The following MEIS1 variants were observed in gnomAD, a reference collection of about 807,000 sequenced individuals.
The protein encoded by MEIS1 is homeobox protein Meis1.
A neutral mutation model predicts 50.8 loss-of-function variants in MEIS1; 5 were observed. The observed-to-expected ratio is 0.10, with a 90% confidence interval of 0.05 to 0.21. MEIS1 has a LOEUF of 0.21. Among genes scored for constraint, MEIS1 ranks in the 10% least tolerant of loss-of-function variants. MEIS1 has a pLI of 1.00. For synonymous variants in MEIS1, 176 were observed against 179.3 expected, an observed-to-expected ratio of 0.98 and a Z score of 0.15; for missense variants, 318 against 517.3, an observed-to-expected ratio of 0.61 and a Z score of 3.74.
intron 7 of MEIS1, among the ~76,000 whole-genome samples, chr2:66,472,640 C>T (rs1222691396): frequency 7.9e-5 from 12 of 152,150 alleles, no homozygotes; most frequent in South Asian, 2.1e-4. Flanking sequence ...TGGTGAACTC[C>T]GTGGTCAGGC....
intron 5 of MEIS1, among the ~76,000 whole-genome samples, chr2:66,442,098 C>G (rs1365927934): frequency 1.3e-5 from 2 of 152,086 alleles, no homozygotes; most frequent in Admixed American, 1.3e-4. Context: ...ATTTTGCTAG[C>G]TGTTCTATAA....
intron 6 of MEIS1, among the ~76,000 whole-genome samples, chr2:66,459,771 C>T (rs915654533): frequency 6.6e-5 from 10 of 151,966 alleles, no homozygotes; most frequent in Admixed American, 5.2e-4. Context: ...TACTAGGACA[C>T]GGAATAAAAA....
chr2:66,455,389 C>T (rs939328413), intron 6 of MEIS1, among the ~76,000 whole-genome samples: 1 of 152,144 alleles, frequency 6.6e-6, no homozygotes, highest in African/African-American at 2.4e-5. Flanking sequence ...ATGATGTTAG[C>T]ATTGATTGTC....
intron 6 of MEIS1, among the ~76,000 whole-genome samples, chr2:66,463,210 T>C (rs1320425815): frequency 6.6e-6 from 1 of 151,508 alleles, no homozygotes; most frequent in African/African-American, 2.4e-5. Flanking sequence ...TACGAGATGA[T>C]CCTGTTTTCC....
intron 8 of MEIS1, among the ~76,000 whole-genome samples, chr2:66,514,983 C>T (rs1366718942): frequency 1.3e-5 from 2 of 152,156 alleles, no homozygotes; most frequent in Non-Finnish European, 2.9e-5. Context: ...TAAGTAACCA[C>T]TGACATCTCA....
At chr2:66,464,013 T>C (rs1227960649) in intron 6 of MEIS1, 96 bp from the exon 7 acceptor site, 1 of 843,320 alleles carries the variant, frequency 1.2e-6, no homozygotes, top group Non-Finnish European at 2.0e-6. Flanking sequence ...GGTTATGTGC[T>C]CCAGCCCTCC....
intron 6 of MEIS1, among the ~76,000 whole-genome samples, chr2:66,449,439 G>T (rs1374896309): frequency 6.6e-6 from 1 of 152,078 alleles, no homozygotes; most frequent in Admixed American, 6.6e-5. Context: ...GCAAATGAGT[G>T]TGTCCATGTA....
chr2:66,461,281 T>C (rs1672512724), intron 6 of MEIS1, among the ~76,000 whole-genome samples: 1 of 152,174 alleles, frequency 6.6e-6, no homozygotes, highest in Non-Finnish European at 1.5e-5. Context: ...GTAACTGAAC[T>C]TCTCTGTCCA....
At chr2:66,525,712 C>T (rs1674233087) in intron 8 of MEIS1, among the ~76,000 whole-genome samples, 1 of 152,234 alleles carries the variant, frequency 6.6e-6, no homozygotes, top group South Asian at 2.1e-4. Context: ...GTTGACAGTA[C>T]ACTTGTGTGT....
At chr2:66,549,056 C>T (rs1269788883) in intron 9 of MEIS1, among the ~76,000 whole-genome samples, 1 of 152,158 alleles carries the variant, frequency 6.6e-6, no homozygotes, top group Non-Finnish European at 1.5e-5. Flanking sequence ...AGACCCTTCT[C>T]TGTTAGAGAG....
intron 7 of MEIS1, among the ~76,000 whole-genome samples, chr2:66,502,604 G>A (rs1673584575): frequency 6.6e-6 from 1 of 152,150 alleles, no homozygotes. Context: ...CATTTTGATT[G>A]TTGGGAGACG....
At chr2:66,567,369 C>A (rs1030306976) in intron 9 of MEIS1, 84 bp from the exon 10 acceptor site, 2 of 1,421,490 alleles carry the variant, frequency 1.4e-6, no homozygotes, top group Non-Finnish European at 1.9e-6. Flanking sequence ...AGTTTTACTC[C>A]AACTGCGATT....
rs1378391736 is a variant in MEIS1 at position 66,573,638 on chromosome 2, G to C, written c.*2430G>C. ...CTGATGGGGCCTTGTTTCTAAACACGTGGATGCGCAGAGAGCAAGGCTCAG... is the reference window on the plus strand; with the variant it reads ...CTGATGGGGCCTTGTTTCTAAACACCTGGATGCGCAGAGAGCAAGGCTCAG... On this transcript the variant is annotated 3_prime_UTR_variant, in exon 13 of 13. Transcript: ENST00000272369. The C allele has an allele frequency of 6.6e-6, 1 of 152,188 alleles. No homozygotes were observed. The highest frequency in any genetic ancestry group is 2.4e-5 in the African/African-American group (1 of 41,436). The allele number at this position is 152,188 out of a possible 1,614,324, so 9.4% of individuals were successfully genotyped here. A position where few individuals can be genotyped will look rare whatever the true frequency, so the allele number is the denominator to read the frequency against.
rs188577210 is a variant in MEIS1 at position 66,509,433 on chromosome 2, G to C, written c.743-2716G>C. 1.2e-4 allele frequency among the ~76,000 whole-genome samples: 18 copies of C among 152,318 alleles called. No individual in the cohort carries two copies. The East Asian group carries it at 3.3e-3, about 28-fold the overall frequency. On this transcript the variant is annotated intron_variant, in intron 7 of 12. Transcript: ENST00000272369. ...ACCCAGCAGTGTAATTTCCCTCCCAGATGGGAGTAAAGTAGCTGTATTTGC... is the reference window on the plus strand; with the variant it reads ...ACCCAGCAGTGTAATTTCCCTCCCACATGGGAGTAAAGTAGCTGTATTTGC...
chr2:66,456,235 TACAC>T (rs3220293), intron 6 of MEIS1, among the ~76,000 whole-genome samples: 41 of 147,614 alleles, frequency 2.8e-4, no homozygotes, highest in Middle Eastern at 3.4e-3. Flanking sequence ...ATGATTTTTA[TACAC>T]ACACACACAC....
At chr2:66,477,798 C>G (rs1012029683) in intron 7 of MEIS1, among the ~76,000 whole-genome samples, 5 of 152,170 alleles carry the variant, frequency 3.3e-5, no homozygotes, top group African/African-American at 1.2e-4. Context: ...GATTCTAATC[C>G]TGGTGTGCTT....
chr2:66,490,847 G>A (rs1673253987), intron 7 of MEIS1, among the ~76,000 whole-genome samples: 1 of 152,158 alleles, frequency 6.6e-6, no homozygotes, highest in Admixed American at 6.5e-5. Flanking sequence ...AAATAGCACT[G>A]TTAGTCCATA....
chr2:66,521,828 T>C (rs1269526270), intron 8 of MEIS1, among the ~76,000 whole-genome samples: 1 of 152,160 alleles, frequency 6.6e-6, no homozygotes, highest in Non-Finnish European at 1.5e-5. Flanking sequence ...GACTGGCTTG[T>C]GATGTAAAAT....
chr2:66,435,202 G>C lies in MEIS1; in HGVS notation c.-655G>C, dbSNP rs1179801593. 1 of 152,414 alleles carries C rather than the reference G, an allele frequency of 6.6e-6. No individual in the cohort carries two copies. The highest frequency in any genetic ancestry group is 2.4e-5 in the African/African-American group (1 of 41,442). The allele number at this position is 152,414 out of a possible 1,614,324, so 9.4% of individuals were successfully genotyped here. Reference sequence around the variant, plus strand: ...ACGGGGACTGCAAGCGGGCAGCATCGATCGTGGCTCCTTTAAGACAAACTC... The same window carrying C: ...ACGGGGACTGCAAGCGGGCAGCATCCATCGTGGCTCCTTTAAGACAAACTC... On this transcript the variant is annotated 5_prime_UTR_variant, in exon 1 of 13. Transcript: ENST00000272369.
Sources: gnomAD v4.1 joint callset for allele counts (sites outside exome capture counted in the v4.1 genomes callset) on GRCh38, gnomAD v4.1.1 for gene constraint, MANE v1.5 for transcripts, NCBI Gene and HGNC (gene_info 2026-07-23, HGNC 2026-07-21) for gene names.